The following FBXO16 variants were observed in gnomAD, a reference collection of about 807,000 sequenced individuals.
FBXO16 encodes F-box protein 16, also known as F-box only protein 16.
FBXO16 carries 31 observed loss-of-function variants against 41.0 expected under a neutral mutation model. The ratio of observed to expected loss-of-function variants is 0.76; its 90% CI spans 0.57 to 1.02. FBXO16 has a LOEUF of 1.02. FBXO16 is among the 50% of genes least tolerant of loss of function. FBXO16 has a pLI of 0.00. For synonymous variants in FBXO16, 133 were observed against 117.8 expected (o/e 1.13, Z -0.84); for missense variants, 361 against 346.2 (o/e 1.04, Z -0.34).
chr8:28,448,004 A>G (rs992464963), intron 6 of FBXO16, among the ~76,000 whole-genome samples: 11 of 152,096 alleles, frequency 7.2e-5, no homozygotes, highest in Non-Finnish European at 1.6e-4. Context: ...AAAATGAAAA[A>G]TAGTTACCTG....
chr8:28,451,746 G>A (rs750423980), intron 6 of FBXO16, among the ~76,000 whole-genome samples: 4 of 151,972 alleles, frequency 2.6e-5, no homozygotes, highest in Admixed American at 6.6e-5. Context: ...ACTTTAGGAG[G>A]CCGAGGCATG....
At chr8:28,483,306 T>A (rs1444050925) in intron 2 of FBXO16, 42 bp downstream of exon 2, 1 of 1,512,826 alleles carries the variant, frequency 6.6e-7, no homozygotes, top group Non-Finnish European at 9.0e-7. Context: ...TTTTTTCCTT[T>A]CAGTCATGGA....
intron 1 of FBXO16, among the ~76,000 whole-genome samples, chr8:28,484,464 A>C (rs1803568550): frequency 6.6e-6 from 1 of 152,206 alleles, no homozygotes; most frequent in Admixed American, 6.5e-5. Flanking sequence ...ATTCTCCCTC[A>C]TTGTTTAGAG....
At chr8:28,462,839 C>T (rs1012534546) in intron 4 of FBXO16, among the ~76,000 whole-genome samples, 3 of 152,200 alleles carry the variant, frequency 2.0e-5, no homozygotes, top group Non-Finnish European at 2.9e-5. Context: ...GTCTCATTCT[C>T]TTTTGTACAT....
At chr8:28,482,672 G>C (rs923434676) in intron 2 of FBXO16, among the ~76,000 whole-genome samples, 1 of 152,094 alleles carries the variant, frequency 6.6e-6, no homozygotes, top group African/African-American at 2.4e-5. Flanking sequence ...CTGGGTTCAA[G>C]CGATTCTCCC....
In FBXO16 at chr8:28,465,405, T is replaced by C. The variant is rs146671087; in HGVS notation, c.136-1587A>G. 340 of 451,720 alleles carry C rather than the reference T, an allele frequency of 7.5e-4. 3 individuals are homozygous for C. The East Asian group carries it at 0.019, about 25-fold the overall frequency. 28.0% of individuals were successfully genotyped at this position (451,720 alleles called of 1,614,324 possible). The stretch of plus-strand genomic sequence containing the variant: ...TGGGAGGCAGAGGCAGGAGAATCTC[T>C]TGAGCCCAGGAATTTGAAACCAGCC... On this transcript the variant is annotated intron_variant, in intron 3 of 8. Transcript: ENST00000380254.
chr8:28,447,369 T>A, intron 6 of FBXO16, 96 bp from the exon 7 acceptor site: 1 of 1,086,462 alleles, frequency 9.2e-7, no homozygotes, highest in Non-Finnish European at 1.3e-6. Context: ...GTTGTTCCTG[T>A]GATTTAAAAG....
chr8:28,471,219 T>C (rs1397739121), intron 3 of FBXO16, among the ~76,000 whole-genome samples: 2 of 152,222 alleles, frequency 1.3e-5, no homozygotes, highest in Non-Finnish European at 2.9e-5. Context: ...TGGCCAAATA[T>C]AAAAATACTT....
chr8:28,474,882 T>C lies in FBXO16; in HGVS notation c.100-1075A>G, dbSNP rs541477042. On this transcript the variant is annotated intron_variant, in intron 2 of 8. Coordinates refer to ENST00000380254, the MANE Select transcript of FBXO16 (RefSeq NM_172366.4). ...TGTATCAGTACAATGTGAGTATCTT[T>C]ACATATTGGTGTTGAGGTGGTTTTC... Among the ~76,000 whole-genome samples the C allele has an allele frequency of 5.9e-5, 9 of 152,362 alleles. No homozygotes were observed. In the South Asian group the frequency reaches 1.2e-3, roughly 21 times the overall value.
intron 3 of FBXO16, among the ~76,000 whole-genome samples, chr8:28,473,157 T>C (rs1803364485): frequency 6.6e-6 from 1 of 152,212 alleles, no homozygotes; most frequent in Non-Finnish European, 1.5e-5. Flanking sequence ...TCTTCTGTTC[T>C]CCAATATTTG....
At chr8:28,455,436 T>C (rs753885469) in intron 5 of FBXO16, among the ~76,000 whole-genome samples, 1 of 152,148 alleles carries the variant, frequency 6.6e-6, no homozygotes, top group Non-Finnish European at 1.5e-5. Flanking sequence ...AGGGTCTTCC[T>C]ATGTTATACG....
intron 8 of FBXO16, 108 bp downstream of exon 8, chr8:28,429,270 A>T: frequency 7.8e-7 from 1 of 1,279,968 alleles, no homozygotes; most frequent in Non-Finnish European, 1.1e-6. Context: ...AGCGTGAGCC[A>T]CTGTGCCCAG....
At chr8:28,479,220 A>G (rs6993105) in intron 2 of FBXO16, among the ~76,000 whole-genome samples, 3,667 of 152,162 alleles carry the variant, frequency 0.024, 131 homozygotes, top group African/African-American at 0.084. Context: ...AGGAAGTCCT[A>G]TGGGGTCAGT....
intron 2 of FBXO16, among the ~76,000 whole-genome samples, chr8:28,482,725 C>A (rs868536858): frequency 6.7e-6 from 1 of 148,700 alleles, no homozygotes; most frequent in Non-Finnish European, 1.5e-5. Flanking sequence ...TACACACCAC[C>A]ACGCCCAGCT....
rs1172103367 is a variant in FBXO16, at chr8:28,447,368, G to A, written c.741-95C>T. 3.7e-6 allele frequency: 4 copies of A among 1,094,764 alleles called. No individual in the cohort carries two copies. In the African/African-American group the frequency reaches 4.8e-5, roughly 13 times the overall value. The allele number at this position is 1,094,764 out of a possible 1,614,324, so 67.8% of individuals were successfully genotyped here. A position where few individuals can be genotyped will look rare whatever the true frequency, so the allele number is the denominator to read the frequency against. On this transcript the variant is annotated intron_variant, in intron 6 of 8. Coordinates refer to ENST00000380254, the MANE Select transcript of FBXO16 (RefSeq NM_172366.4). ...TTGTCTGTTTGAGTTTGTTGTTCCTGTGATTTAAAAGATTGTCTCCACTTA... is the reference window on the plus strand; with the variant it reads ...TTGTCTGTTTGAGTTTGTTGTTCCTATGATTTAAAAGATTGTCTCCACTTA...
rs117101441 is a variant in FBXO16 at position 28,457,961 on chromosome 8, G to C, written c.343-1031C>G. Reference sequence around the variant, plus strand: ...TTTATAATAATTTACCCAAGGGTTTGAATAAGTCTTGCCAGAAACTAGGAT... The same window carrying C: ...TTTATAATAATTTACCCAAGGGTTTCAATAAGTCTTGCCAGAAACTAGGAT... On this transcript the variant is annotated intron_variant, in intron 4 of 8. Transcript: ENST00000380254. 1.9e-3 allele frequency among the ~76,000 whole-genome samples: 286 copies of C among 152,274 alleles called. 1 individual carries two copies. The highest frequency in any genetic ancestry group is 3.4e-3 in the Middle Eastern group (1 of 294).
chr8:28,439,554 A>G (rs1228218593), intron 7 of FBXO16, among the ~76,000 whole-genome samples: 1 of 152,090 alleles, frequency 6.6e-6, no homozygotes, highest in Admixed American at 6.6e-5. Flanking sequence ...CCCAGGCAAA[A>G]TAGCGAGACC....
At chr8:28,437,060 C>CAT (rs1458365636) in intron 7 of FBXO16, among the ~76,000 whole-genome samples, 1 of 152,136 alleles carries the variant, frequency 6.6e-6, no homozygotes, top group African/African-American at 2.4e-5. Context: ...AACCTACATA[C>CAT]ATATATATTA....
intron 1 of FBXO16, among the ~76,000 whole-genome samples, chr8:28,487,508 C>T (rs1276298519): frequency 6.6e-6 from 1 of 151,200 alleles, no homozygotes. Context: ...ATTCTGCTAC[C>T]TCAGGCTCCC....
Sources: allele counts gnomAD v4.1 joint callset (sites outside exome capture counted in the v4.1 genomes callset), GRCh38; gene constraint gnomAD v4.1.1; transcripts MANE v1.5; gene names NCBI Gene and HGNC (gene_info 2026-07-23, HGNC 2026-07-21).